GFOD2: variants seen among roughly 807,000 people sequenced by gnomAD.
GFOD2 encodes the protein glucose-fructose oxidoreductase domain-containing protein 2.
In GFOD2, 9 loss-of-function variants were observed where a neutral mutation model predicts 24.6. That is an observed-to-expected ratio of 0.37 (90% confidence interval 0.22 to 0.64). The LOEUF is 0.64. Among genes scored for constraint, GFOD2 ranks in the 30% least tolerant of loss-of-function variants. The pLI, the probability that GFOD2 is intolerant of heterozygous loss-of-function variation, is 0.65. For synonymous variants in GFOD2, 211 were observed against 224.8 expected (o/e 0.94, Z 0.55); for missense variants, 476 against 532.5 (o/e 0.89, Z 1.04).
chr16:67,696,814 G>A (rs2053363091), intron 1 of GFOD2, among the ~76,000 whole-genome samples: 1 of 152,166 alleles, frequency 6.6e-6, no homozygotes, highest in Non-Finnish European at 1.5e-5. Context: ...CTGACTCAAA[G>A]GGAAGCTTCA....
At chr16:67,694,701 TTG>T (rs1280595001) in intron 1 of GFOD2, among the ~76,000 whole-genome samples, 1 of 152,184 alleles carries the variant, frequency 6.6e-6, no homozygotes, top group African/African-American at 2.4e-5. Flanking sequence ...AGGGGATGGT[TTG>T]TCAGCATAGC....
chr16:67,682,691 A>G, intron 2 of GFOD2: 2 of 985,430 alleles, frequency 2.0e-6, no homozygotes, highest in Non-Finnish European at 2.4e-6. Flanking sequence ...AGGAAAAACT[A>G]ATAATGAGGG....
At position 67,685,472 on chromosome 16, in the gene GFOD2, A is replaced by T; in HGVS notation, c.244T>A (p.Ser82Thr). The T allele has an allele frequency of 6.2e-7, 1 of 1,614,112 alleles. No homozygotes were observed. Among genetic ancestry groups the T allele is most frequent in the Non-Finnish European group, 8.5e-7 (1 of 1,180,010 alleles). ...SIPPPLTRQI[S>T]VKALGIGKNV... is the part of the protein sequence containing the mutation. Reference sequence around the variant, plus strand: ...CCGGGCGTACCTAGAGCCTTCACGGATATCTGCCGGGTGAGTGGAGGGGGG... The same window carrying T: ...CCGGGCGTACCTAGAGCCTTCACGGTTATCTGCCGGGTGAGTGGAGGGGGG... Residue 82 changes from serine to threonine, a missense_variant, in exon 2 of 3, where the codon TCC (serine) becomes ACC (threonine). Ser to Thr is a moderately conservative substitution (Grantham distance 58, BLOSUM62 1). Coordinates refer to ENST00000268797, the MANE Select transcript of GFOD2 (RefSeq NM_030819.4).
In GFOD2 at chr16:67,704,362, C is replaced by T. The variant is rs1000937693; in HGVS notation, c.-88+14801G>A. On this transcript the variant is annotated intron_variant, in intron 1 of 2. Transcript: ENST00000268797. Reference sequence around the variant, plus strand: ...TAAACATTACGTGCCCCGTGCTTTACAGGCATCATCTGATTTAACAATTAT... The same window carrying T: ...TAAACATTACGTGCCCCGTGCTTTATAGGCATCATCTGATTTAACAATTAT... Among the ~76,000 whole-genome samples the T allele has an allele frequency of 4.6e-5, 7 of 152,320 alleles. No individual in the cohort carries two copies. The South Asian group carries it at 1.0e-3, about 23-fold the overall frequency.
At chr16:67,707,355 T>C (rs967065322) in intron 1 of GFOD2, among the ~76,000 whole-genome samples, 11 of 148,228 alleles carry the variant, frequency 7.4e-5, no homozygotes, top group Non-Finnish European at 1.3e-4. Flanking sequence ...GAAACTCCAT[T>C]TCAAAAAAAA....
At chr16:67,681,995 C>G in intron 2 of GFOD2, 1 of 408,166 alleles carries the variant, frequency 2.4e-6, no homozygotes, top group Non-Finnish European at 3.3e-6. Context: ...GCTTGAACAA[C>G]ACAGCAAGAT....
intron 1 of GFOD2, among the ~76,000 whole-genome samples, chr16:67,692,756 G>A (rs2053324093): frequency 6.6e-6 from 1 of 151,656 alleles, no homozygotes; most frequent in Admixed American, 6.6e-5. Context: ...GCCGGGCACG[G>A]TGGCTCATGC....
chr16:67,688,586 G>C (rs954522322), intron 1 of GFOD2, among the ~76,000 whole-genome samples: 2 of 152,062 alleles, frequency 1.3e-5, no homozygotes, highest in African/African-American at 4.8e-5. Flanking sequence ...TAAACCAGCA[G>C]TTCCCCACTC....
At chr16:67,709,998 T>G (rs1597804756) in intron 1 of GFOD2, among the ~76,000 whole-genome samples, 1 of 152,068 alleles carries the variant, frequency 6.6e-6, no homozygotes, top group Non-Finnish European at 1.5e-5. Flanking sequence ...CAGGCTGGAG[T>G]GCAGTGGTGC....
intron 1 of GFOD2, among the ~76,000 whole-genome samples, chr16:67,687,944 C>T (rs2053281013): frequency 2.0e-5 from 3 of 152,182 alleles, no homozygotes; most frequent in African/African-American, 7.2e-5. Context: ...TGCCACTGCA[C>T]TCTAGCCTGG....
intron 1 of GFOD2, among the ~76,000 whole-genome samples, chr16:67,703,633 G>A (rs2053419438): frequency 6.6e-6 from 1 of 152,248 alleles, no homozygotes; most frequent in Admixed American, 6.5e-5. Flanking sequence ...ACAATTTCTT[G>A]CAGATTTTGA....
chr16:67,676,484 T>A (rs1036573533), intron 2 of GFOD2: 1 of 177,530 alleles, frequency 5.6e-6, no homozygotes, highest in Admixed American at 5.8e-5. Context: ...GAACCCTGAA[T>A]AACACAGGTG....
chr16:67,695,479 G>C (rs1434426290), intron 1 of GFOD2, among the ~76,000 whole-genome samples: 2 of 151,940 alleles, frequency 1.3e-5, no homozygotes, highest in African/African-American at 2.4e-5. Flanking sequence ...GGCTGTTATA[G>C]GAGCTTGACA....
At chr16:67,680,596 G>A in intron 2 of GFOD2, 1 of 350,588 alleles carries the variant, frequency 2.9e-6, no homozygotes, top group South Asian at 1.2e-4. Flanking sequence ...CTGCCACCTT[G>A]ACCCTGAAGA....
At chr16:67,712,256 G>GCTCCCT (rs1295250419) in intron 1 of GFOD2, among the ~76,000 whole-genome samples, 48 of 122,862 alleles carry the variant, frequency 3.9e-4, no homozygotes, top group Non-Finnish European at 5.5e-4. Context: ...GTAATAAAGA[G>GCTCCCT]CTCCCTCTCC....
intron 1 of GFOD2, among the ~76,000 whole-genome samples, chr16:67,698,415 CACTG>C (rs2053373850): frequency 6.6e-6 from 1 of 152,356 alleles, no homozygotes; most frequent in African/African-American, 2.4e-5. Flanking sequence ...CCTTTGAGTA[CACTG>C]ACTGTTTCCT....
chr16:67,714,585 A>G (rs2053495745), intron 1 of GFOD2, among the ~76,000 whole-genome samples: 1 of 152,174 alleles, frequency 6.6e-6, no homozygotes, highest in Non-Finnish European at 1.5e-5. Context: ...TTGAGGTTAT[A>G]AAGTGATACA....
chr16:67,676,811 C>T (rs2053187958), intron 2 of GFOD2: 1 of 152,192 alleles, frequency 6.6e-6, no homozygotes, highest in Non-Finnish European at 1.5e-5. Context: ...CAGAGGTAAA[C>T]AAAGCTGGAC....
intron 2 of GFOD2, chr16:67,680,818 G>T (rs986422610): frequency 1.0e-5 from 10 of 977,008 alleles, no homozygotes; most frequent in Non-Finnish European, 1.2e-5. Flanking sequence ...CAACGTGCAG[G>T]TTTGTTACAT....
Sources: allele counts gnomAD v4.1 joint callset (sites outside exome capture counted in the v4.1 genomes callset), GRCh38; gene constraint gnomAD v4.1.1; transcripts MANE v1.5; gene names NCBI Gene and HGNC (gene_info 2026-07-23, HGNC 2026-07-21).